CDADC1: variants seen among roughly 807,000 people sequenced by gnomAD.
CDADC1 encodes cytidine and dCMP deaminase domain containing 1.
In CDADC1, 39 loss-of-function variants were observed where a neutral mutation model predicts 54.9. The ratio of observed to expected loss-of-function variants is 0.71; its 90% CI spans 0.55 to 0.93. The LOEUF is 0.93. CDADC1 is among the 40% of genes least tolerant of loss of function. The probability of loss-of-function intolerance (pLI) is 0.00; values close to 1 mark genes in which losing one functional copy is unlikely to be tolerated. For synonymous variants in CDADC1, 186 were observed against 204.0 expected, an observed-to-expected ratio of 0.91 and a Z score of 0.75; for missense variants, 518 against 618.8, an observed-to-expected ratio of 0.84 and a Z score of 1.73.
At position 49,286,159 on chromosome 13, in the gene CDADC1, T is replaced by C. The variant is rs1593855414; in HGVS notation, c.1411-63T>C. The C allele has an allele frequency of 7.9e-6, 10 of 1,262,610 alleles. No homozygotes were observed. In the East Asian group the frequency reaches 2.3e-4, roughly 29 times the overall value. 78.2% of individuals were successfully genotyped at this position (1,262,610 alleles called of 1,614,324 possible). A position where few individuals can be genotyped will look rare whatever the true frequency, so the allele number is the denominator to read the frequency against. ...AAGTTGTTTTGATATTTAAAATCAATGTGCTGGAATGCTATGTATTAAATC... is the reference window on the plus strand; with the variant it reads ...AAGTTGTTTTGATATTTAAAATCAACGTGCTGGAATGCTATGTATTAAATC... On this transcript the variant is annotated intron_variant, in intron 8 of 9. Coordinates refer to ENST00000251108, the MANE Select transcript of CDADC1 (RefSeq NM_030911.4).
chr13:49,261,455 A>C (rs749127841), intron 4 of CDADC1, among the ~76,000 whole-genome samples: 82 of 152,214 alleles, frequency 5.4e-4, no homozygotes, highest in Non-Finnish European at 1.0e-3. Context: ...ACTCATGTTC[A>C]ACTGACCTAC....
intron 6 of CDADC1, among the ~76,000 whole-genome samples, chr13:49,274,744 C>A (rs1953059080): frequency 6.6e-6 from 1 of 152,114 alleles, no homozygotes; most frequent in African/African-American, 2.4e-5. Context: ...CATCCCTCAA[C>A]AGTTTTCTAG....
At chr13:49,282,236 G>GTTGT (rs1953367376) in intron 8 of CDADC1, among the ~76,000 whole-genome samples, 3 of 94,146 alleles carry the variant, frequency 3.2e-5, no homozygotes, top group Admixed American at 2.4e-4. Context: ...GTTTTTGTGG[G>GTTGT]TTTTTTTTTT....
chr13:49,259,535 A>G lies in CDADC1; in HGVS notation c.430+12A>G, dbSNP rs1380946269. 1.2e-6 allele frequency: 2 copies of G among 1,612,658 alleles called. No homozygotes were observed. The highest frequency in any genetic ancestry group is 3.3e-5 in the Admixed American group (2 of 59,978). On this transcript the variant is annotated intron_variant, in intron 4 of 9. Transcript: ENST00000251108. ...AATGATTGTAAATGGTAAGTGCAGA[A>G]AAGGGTTTGTTGGGGATTAAGAGTA... is the stretch of plus-strand genomic sequence containing the variant.
At chr13:49,284,277 T>A (rs953074441) in intron 8 of CDADC1, among the ~76,000 whole-genome samples, 1 of 152,182 alleles carries the variant, frequency 6.6e-6, no homozygotes, top group Non-Finnish European at 1.5e-5. Context: ...TGTAGAAGAC[T>A]AGGAAAATAA....
At chr13:49,265,175 A>G (rs946244914) in intron 4 of CDADC1, among the ~76,000 whole-genome samples, 32 of 152,370 alleles carry the variant, frequency 2.1e-4, no homozygotes, top group African/African-American at 6.3e-4. Flanking sequence ...TTATTAAAGT[A>G]TAAGGTGCAT....
At chr13:49,262,565 C>T (rs1952712677) in intron 4 of CDADC1, among the ~76,000 whole-genome samples, 1 of 152,124 alleles carries the variant, frequency 6.6e-6, no homozygotes, top group Non-Finnish European at 1.5e-5. Flanking sequence ...GAGTCTCGCT[C>T]TGTCACCCAG....
intron 6 of CDADC1, among the ~76,000 whole-genome samples, chr13:49,277,692 T>C (rs1172111867): frequency 6.6e-6 from 1 of 152,200 alleles, no homozygotes; most frequent in Non-Finnish European, 1.5e-5. Flanking sequence ...TAATAATTGA[T>C]AAAGCATTCA....
At chr13:49,248,164 G>A in intron 1 of CDADC1, 45 bp downstream of exon 1, 1 of 1,465,742 alleles carries the variant, frequency 6.8e-7, no homozygotes, top group Non-Finnish European at 9.3e-7. Flanking sequence ...CTTTCGCTCT[G>A]CCCTGTGCGT....
intron 4 of CDADC1, among the ~76,000 whole-genome samples, chr13:49,267,218 G>A (rs553452561): frequency 6.6e-6 from 1 of 152,198 alleles, no homozygotes; most frequent in African/African-American, 2.4e-5. Context: ...CTGACAGTTC[G>A]ATGTGTCACA....
intron 6 of CDADC1, among the ~76,000 whole-genome samples, chr13:49,277,355 C>G (rs1449467669): frequency 6.6e-6 from 1 of 152,020 alleles, no homozygotes; most frequent in African/African-American, 2.4e-5. Context: ...CCTGTGGTCC[C>G]AGCTACTTGG....
chr13:49,279,414 C>T (rs750494549), intron 7 of CDADC1, among the ~76,000 whole-genome samples: 9 of 152,172 alleles, frequency 5.9e-5, no homozygotes, highest in Non-Finnish European at 1.3e-4. Context: ...GAAGGGAAGA[C>T]CATTCTTGCT....
intron 5 of CDADC1, among the ~76,000 whole-genome samples, chr13:49,272,651 C>CTTTTTTTTTTTTTTTT (rs1224230451): frequency 6.9e-6 from 1 of 145,070 alleles, no homozygotes; most frequent in Non-Finnish European, 1.5e-5. Context: ...TCAAGGATTT[C>CTTTTTTTTTTTTTTTT]TTTTTCTTTT....
chr13:49,255,736 A>C (rs1952528121), intron 2 of CDADC1, 103 bp from the exon 3 acceptor site: 5 of 1,418,128 alleles, frequency 3.5e-6, no homozygotes, highest in Non-Finnish European at 4.8e-6. Context: ...TGGAAAAAAA[A>C]ATGGTCAAAG....
In CDADC1 at chr13:49,249,814, T is replaced by G. The variant is rs145715719; in HGVS notation, c.177+849T>G. Among the ~76,000 whole-genome samples the G allele has an allele frequency of 3.1e-3, 476 of 152,250 alleles. 2 individuals carry two copies. Among genetic ancestry groups the G allele is most frequent in the African/African-American group, 0.01 (432 of 41,556 alleles). On this transcript the variant is annotated intron_variant, in intron 2 of 9. Coordinates refer to ENST00000251108, the MANE Select transcript of CDADC1 (RefSeq NM_030911.4). ...TTGGAAGTATAAACATCCTGCGTCT[T>G]TTCTTTCTCCTACCCTTGGGGCAAC...
In CDADC1 at chr13:49,283,027, A is replaced by G. The variant is rs146750211; in HGVS notation, c.1410+2329A>G. Among the ~76,000 whole-genome samples the G allele has an allele frequency of 7.0e-4, 106 of 152,360 alleles. No individual in the cohort carries two copies. The East Asian group carries it at 0.019, about 28-fold the overall frequency. On this transcript the variant is annotated intron_variant, in intron 8 of 9. Coordinates refer to ENST00000251108, the MANE Select transcript of CDADC1 (RefSeq NM_030911.4). ...TCCAATGATTTAATCCTGGCATTGA[A>G]TGAGTTAATGTAACATTTAACTACT...
chr13:49,274,411 T>C (rs1290852481), intron 6 of CDADC1, 71 bp downstream of exon 6: 1 of 1,223,420 alleles, frequency 8.2e-7, no homozygotes, highest in African/African-American at 1.5e-5. Flanking sequence ...CTTCGGTGCA[T>C]TACAGGTTAC....
At chr13:49,289,937 C>T (rs1953650462) in intron 9 of CDADC1, among the ~76,000 whole-genome samples, 1 of 151,926 alleles carries the variant, frequency 6.6e-6, no homozygotes, top group Admixed American at 6.6e-5. Flanking sequence ...TCCCAGCTAC[C>T]GCAGAGGCTG....
In CDADC1 at chr13:49,268,059, G is replaced by A. The variant is rs1194235932; in HGVS notation, c.1000G>A (p.Glu334Lys). 2 of 1,605,450 alleles carry A rather than the reference G, an allele frequency of 1.2e-6. No homozygotes were observed. The highest frequency in any genetic ancestry group is 1.7e-6 in the Non-Finnish European group (2 of 1,176,512). The change falls in exon 5 of 10, where the codon GAG (glutamate) becomes AAG (lysine). Residue 334 changes from glutamate (E) to lysine (K), a missense_variant and splice_region_variant. Transcript: ENST00000251108. ...GGCCAGGTTATTGGCATATCGAACT[G>A]GTGAGTTACATAGATCGTAAATTGG... ...VQARLLAYRTEDHKTGVGAVI... is the reference protein window; with the variant it reads ...VQARLLAYRTKDHKTGVGAVI...
Sources: gnomAD v4.1 joint callset for allele counts (sites outside exome capture counted in the v4.1 genomes callset) on GRCh38, gnomAD v4.1.1 for gene constraint, MANE v1.5 for transcripts, NCBI Gene and HGNC (gene_info 2026-07-23, HGNC 2026-07-21) for gene names.